The following KLHL25 variants were observed in gnomAD, a reference collection of about 807,000 sequenced individuals.
The protein encoded by KLHL25 is kelch-like protein 25.
Under a neutral mutation model 30.0 loss-of-function variants are expected in KLHL25, and 41 were observed. The observed-to-expected ratio is 1.37, with a 90% CI of 1.07 to 1.78. The LOEUF is 1.78. KLHL25 is among the 40% of genes most tolerant of loss of function. The probability of loss-of-function intolerance (pLI) is 0.00; values close to 1 mark genes in which losing one functional copy is unlikely to be tolerated. For missense variants in KLHL25, 971 were observed against 824.5 expected, an observed-to-expected ratio of 1.18 and a Z score of -2.18; for synonymous variants, 399 against 355.3, an observed-to-expected ratio of 1.12 and a Z score of -1.38.
chr15:85,793,832 G>A (rs1022929079), intron 1 of KLHL25, among the ~76,000 whole-genome samples: 1 of 152,130 alleles, frequency 6.6e-6, no homozygotes, highest in Non-Finnish European at 1.5e-5. Flanking sequence ...CCGGGATCCA[G>A]CAGGACCCAA....
In KLHL25 at chr15:85,768,938, G is replaced by A; in HGVS notation, c.873C>T (p.Arg291=). 2 of 1,613,312 alleles carry A rather than the reference G, an allele frequency of 1.2e-6. No individual in the cohort carries two copies. Among genetic ancestry groups the A allele is most frequent in the Non-Finnish European group, 1.7e-6 (2 of 1,180,036 alleles). ...GVVTSPCARP[R]KAGHTLLILG... is the part of the protein sequence containing the mutation. ...GGATGAGTAGCGTGTGGCCCGCCTT[G>A]CGTGGCCGGGCACAGGGGCTGGTGA... The change falls in exon 2 of 3, where the codon CGC becomes CGT. Residue 291 remains arginine (R), a synonymous_variant. Transcript: ENST00000337975.
At chr15:85,793,564 G>A (rs1026152407) in intron 1 of KLHL25, among the ~76,000 whole-genome samples, 8 of 152,176 alleles carry the variant, frequency 5.3e-5, no homozygotes, top group African/African-American at 1.9e-4. Flanking sequence ...AGCACACTGA[G>A]CATCAGTTCC....
chr15:85,759,959 C>T lies in KLHL25; in HGVS notation c.*1077G>A, dbSNP rs2089569846. 1 of 152,234 alleles carries T rather than the reference C, an allele frequency of 6.6e-6. No individual in the cohort carries two copies. The highest frequency in any genetic ancestry group is 2.4e-5 in the African/African-American group (1 of 41,432). 9.4% of individuals were successfully genotyped at this position (152,234 alleles called of 1,614,324 possible). On this transcript the variant is annotated 3_prime_UTR_variant, in exon 3 of 3. Coordinates refer to ENST00000337975, the MANE Select transcript of KLHL25 (RefSeq NM_022480.4). ...GTGCTGGTGAGGGACCCCAGTGACT[C>T]AGGAGGTGACAGCAATGAACAAATG...
In KLHL25 at chr15:85,794,818, C is replaced by G. The variant is rs560635939; in HGVS notation, c.-63G>C. On this transcript the variant is annotated 5_prime_UTR_variant, in exon 1 of 3. Transcript: ENST00000337975. ...CCGCCTCAGAGACCACTCCCGGCAG[C>G]CCGCGCGAGCTCAACAGGCTCCGCC... The G allele has an allele frequency of 3.9e-5, 6 of 152,914 alleles. 1 individual carries two copies. The highest frequency in any genetic ancestry group is 1.4e-4 in the African/African-American group (6 of 41,548). The allele number at this position is 152,914 out of a possible 1,614,324, so 9.5% of individuals were successfully genotyped here.
intron 2 of KLHL25, among the ~76,000 whole-genome samples, chr15:85,766,120 G>A (rs1170080378): frequency 6.6e-6 from 1 of 152,248 alleles, no homozygotes; most frequent in Non-Finnish European, 1.5e-5. Context: ...GCTCACTGAG[G>A]AAATTAATGT....
rs80064104 is a variant in KLHL25 at position 85,766,306 on chromosome 15, C to G, written c.*24+1711G>C. ...CTGGAGGCAGAGTGCACCCAGGGATCTTATGCCCCTATTGCAGGGGTGAGG... is the reference window on the plus strand; with the variant it reads ...CTGGAGGCAGAGTGCACCCAGGGATGTTATGCCCCTATTGCAGGGGTGAGG... On this transcript the variant is annotated intron_variant, in intron 2 of 2. Transcript: ENST00000337975. 6.7e-3 allele frequency among the ~76,000 whole-genome samples: 1,019 copies of G among 152,284 alleles called. 15 individuals are homozygous for G. The highest frequency in any genetic ancestry group is 0.023 in the African/African-American group (955 of 41,568).
At chr15:85,786,699 C>T (rs2089783589) in intron 1 of KLHL25, among the ~76,000 whole-genome samples, 1 of 152,240 alleles carries the variant, frequency 6.6e-6, no homozygotes, top group Non-Finnish European at 1.5e-5. Context: ...AGGCAGACAC[C>T]TCCCACCTAA....
chr15:85,769,625 G>A lies in KLHL25; in HGVS notation c.186C>T (p.Ala62=), dbSNP rs375380382. ...AATAGCGGCTAGAGGCGGCCAGCAC[G>A]GCACGGTGACAGGGGAAGGCACGGT... ...AGDRAFPCHR[A]VLAASSRYFE... Residue 62 remains alanine, a synonymous_variant, in exon 2 of 3, where the codon GCC becomes GCT. Transcript: ENST00000337975. 1.7e-5 allele frequency: 28 copies of A among 1,613,166 alleles called. No homozygotes were observed. The East Asian group carries it at 2.2e-4, about 13-fold the overall frequency.
At chr15:85,793,756 G>A (rs778115934) in intron 1 of KLHL25, among the ~76,000 whole-genome samples, 9 of 152,084 alleles carry the variant, frequency 5.9e-5, no homozygotes, top group Non-Finnish European at 1.2e-4. Context: ...CCAGACACCT[G>A]GCATTCTCTG....
intron 2 of KLHL25, chr15:85,764,166 G>C (rs1329029301): frequency 1.3e-5 from 2 of 152,320 alleles, no homozygotes; most frequent in African/African-American, 4.8e-5. Flanking sequence ...TGCCCGGGCA[G>C]CGGCTTCTGG....
intron 1 of KLHL25, among the ~76,000 whole-genome samples, chr15:85,792,416 G>A (rs2089823653): frequency 1.3e-5 from 2 of 152,190 alleles, no homozygotes; most frequent in African/African-American, 4.8e-5. Context: ...TGGCCACTCT[G>A]TTTTCTTGTG....
intron 1 of KLHL25, among the ~76,000 whole-genome samples, chr15:85,772,745 G>A (rs1181585474): frequency 6.6e-6 from 1 of 152,240 alleles, no homozygotes; most frequent in Admixed American, 6.5e-5. Flanking sequence ...GAAGGAGGCA[G>A]AGCAGTGACC....
intron 1 of KLHL25, among the ~76,000 whole-genome samples, chr15:85,785,248 G>A (rs1441191010): frequency 1.3e-5 from 2 of 151,738 alleles, no homozygotes; most frequent in Non-Finnish European, 2.9e-5. Flanking sequence ...CGCCCACCAC[G>A]ACGTCCGGCT....
At chr15:85,765,856 GAAAAAT>G (rs2089620428) in intron 2 of KLHL25, among the ~76,000 whole-genome samples, 1 of 150,844 alleles carries the variant, frequency 6.6e-6, no homozygotes, top group Non-Finnish European at 1.5e-5. Flanking sequence ...AAAGAAAAAA[GAAAAAT>G]AAAAGAAAAA....
intron 1 of KLHL25, among the ~76,000 whole-genome samples, chr15:85,790,100 T>G (rs2089806852): frequency 6.6e-6 from 1 of 152,180 alleles, no homozygotes; most frequent in African/African-American, 2.4e-5. Flanking sequence ...CTTTTGTTGT[T>G]GTTGTTGAGA....
intron 2 of KLHL25, chr15:85,763,566 G>GA (rs34817041): frequency 1.3e-5 from 2 of 152,156 alleles, no homozygotes; most frequent in Non-Finnish European, 2.9e-5. Context: ...CAGAACAGGG[G>GA]AAAAAAAATG....
rs199899902 is a variant in KLHL25, at chr15:85,768,980, C to T, written c.831G>A (p.Leu277=). 3 of 1,612,950 alleles carry T rather than the reference C, an allele frequency of 1.9e-6. No individual in the cohort carries two copies. The highest frequency in any genetic ancestry group is 3.3e-4 in the Middle Eastern group (2 of 6,062). Residue 277 remains leucine, a synonymous_variant, in exon 2 of 3, where the codon CTG becomes CTA. Coordinates refer to ENST00000337975, the MANE Select transcript of KLHL25 (RefSeq NM_022480.4). ...DEALRCKTRI[L]QNDGVVTSPC... is the part of the protein sequence containing the mutation. ...GGCTGGTGACCACGCCATCATTCTG[C>T]AGGATCCTGGTCTTGCAGCGCAGGG...
chr15:85,766,229 C>T (rs978736997), intron 2 of KLHL25, among the ~76,000 whole-genome samples: 1 of 152,198 alleles, frequency 6.6e-6, no homozygotes, highest in Non-Finnish European at 1.5e-5. Context: ...TCGTGGGAAG[C>T]GGCTGGGCTC....
At chr15:85,792,500 G>T (rs1182755629) in intron 1 of KLHL25, among the ~76,000 whole-genome samples, 2 of 152,176 alleles carry the variant, frequency 1.3e-5, no homozygotes, top group African/African-American at 4.8e-5. Context: ...CTCAGACAAT[G>T]GGCTGGTCTT....
Sources: allele counts gnomAD v4.1 joint callset (sites outside exome capture counted in the v4.1 genomes callset), GRCh38; gene constraint gnomAD v4.1.1; transcripts MANE v1.5; gene names NCBI Gene and HGNC (gene_info 2026-07-23, HGNC 2026-07-21).